TTN: variants seen among roughly 807,000 people sequenced by gnomAD.
The protein encoded by TTN is titin.
A neutral mutation model predicts 3,223.0 loss-of-function variants in TTN; 1,525 were observed. The ratio of observed to expected loss-of-function variants is 0.47; its 90% CI spans 0.45 to 0.49. The LOEUF (loss-of-function observed/expected upper bound fraction) is 0.49, where lower values mean the gene tolerates loss of function less well. Among genes scored for constraint, TTN ranks in the 20% least tolerant of loss-of-function variants. The pLI, the probability that TTN is intolerant of heterozygous loss-of-function variation, is 0.00. For missense variants in TTN, 40,786 were observed against 43,424.0 expected (o/e 0.94, Z 5.40); for synonymous variants, 14,094 against 15,161.0 (o/e 0.93, Z 5.17).
chr2:178,588,491 T>G, intron 304 of TTN, 47 bp downstream of exon 304: 2,672 of 1,445,792 alleles, frequency 1.8e-3, no homozygotes, highest in Non-Finnish European at 2.2e-3. Context: ...CTTCTGTGCT[T>G]GAGATTAAGA....
Position 178,734,903 on chromosome 2 carries a change from G to A in TTN, c.15021C>T (p.Gly5007=). 1.2e-6 allele frequency: 2 copies of A among 1,613,182 alleles called. No individual in the cohort carries two copies. The highest frequency in any genetic ancestry group is 2.2e-5 in the East Asian group (1 of 44,726). ...ESARLHCKLK[G]SPVIQVTWFK... ...ACCAAGTAACCTGGATCACAGGTGA[G>A]CCTTTCAGCTTGCAATGGAGGCGTG... is the stretch of plus-strand genomic sequence containing the variant. The change falls in exon 51 of 363, where the codon GGC becomes GGT. Residue 5007 remains glycine, a synonymous_variant. Transcript: ENST00000589042.
chr2:178,618,740 C>T lies in TTN; in HGVS notation c.46810G>A (p.Glu15604Lys), dbSNP rs749463044. Residue 15604 changes from glutamate to lysine, a missense_variant, in exon 251 of 363, where the codon GAA (glutamate) becomes AAA (lysine). Physicochemically the swap from Glu to Lys is moderately conservative, Grantham distance 56 (BLOSUM62 1). Transcript: ENST00000589042. ...YPKAEAEWFK[E>K]NEPLSTKTID... ...GTTTTTGTAGATAAAGGTTCATTTT[C>T]TTTAAACCATTCAGCTTCTGCTTTG... 2 of 1,611,860 alleles carry T rather than the reference C, an allele frequency of 1.2e-6. No homozygotes were observed. Among genetic ancestry groups the T allele is most frequent in the South Asian group, 2.2e-5 (2 of 91,010 alleles).
At chr2:178,727,990 A>C (rs189969248) in intron 67 of TTN, 120 bp downstream of exon 67, 604 of 1,411,510 alleles carry the variant, frequency 4.3e-4, no homozygotes, top group South Asian at 1.6e-3. Flanking sequence ...GAACACAATG[A>C]ATATGTATCT....
Position 178,531,892 on chromosome 2 carries a change from A to C in TTN, c.104723T>G (p.Phe34908Cys). The part of the protein sequence containing the change: ...RFERSARFDI[F>C]SRYESMKAAL... ...AGCTTTCATGGACTCATACCTGGAA[A>C]AGATATCAAATCTTGCAGACCTCTC... is the stretch of plus-strand genomic sequence containing the variant. Residue 34908 changes from phenylalanine (F) to cysteine (C), a missense_variant, in exon 358 of 363, where the codon TTT becomes TGT. Transcript: ENST00000589042. 1 of 1,612,792 alleles carries C rather than the reference A, an allele frequency of 6.2e-7. No homozygotes were observed. The highest frequency in any genetic ancestry group is 8.5e-7 in the Non-Finnish European group (1 of 1,179,248).
chr2:178,727,445 GC>G (rs1267871112), intron 68 of TTN, 74 bp from the exon 69 acceptor site: 2 of 1,506,152 alleles, frequency 1.3e-6, no homozygotes, highest in African/African-American at 1.4e-5. Context: ...TAGTATACAG[GC>G]AAGAGAAAAA....
intron 88 of TTN, among the ~76,000 whole-genome samples, chr2:178,716,781 G>A (rs1237700948): frequency 3.3e-5 from 5 of 152,048 alleles, no homozygotes; most frequent in East Asian, 1.9e-4. Context: ...CAATAACTTC[G>A]CTTTTGTCCT....
Position 178,766,571 on chromosome 2 carries a change from A to C in TTN, c.9513T>G (p.Asn3171Lys). Residue 3171 changes from asparagine (N) to lysine (K), a missense_variant, in exon 41 of 363, where the codon AAT (asparagine) becomes AAG (lysine). Transcript: ENST00000589042. ...KQRAVVEFEV[N>K]EDDVDAHWYK... ...ACCAGTGGGCATCAACATCGTCTTC[A>C]TTGACCTCAAATTCAACAACAGCAC... is the stretch of plus-strand genomic sequence containing the variant. 6.2e-7 allele frequency: 1 copy of C among 1,614,096 alleles called. No individual in the cohort carries two copies. The highest frequency in any genetic ancestry group is 1.1e-5 in the South Asian group (1 of 91,078).
chr2:178,650,133 A>T, intron 210 of TTN, 31 bp downstream of exon 210: 2 of 1,531,436 alleles, frequency 1.3e-6, no homozygotes, highest in Non-Finnish European at 1.8e-6. Flanking sequence ...AAATGACTGT[A>T]TTTTCCCATA....
chr2:178,571,288 C>T lies in TTN; in HGVS notation c.74844G>A (p.Lys24948=), dbSNP rs371884545. The part of the protein sequence containing the change: ...SRVIGYHLER[K]ERNSILWVKL... Reference sequence around the variant, plus strand: ...TAACCCAGAGGATGCTATTTCTTTCCTTGCGTTCTAGATGATAGCCAATGA... The same window carrying T: ...TAACCCAGAGGATGCTATTTCTTTCTTTGCGTTCTAGATGATAGCCAATGA... Residue 24948 remains lysine (K), a synonymous_variant, in exon 326 of 363, where the codon AAG becomes AAA. Coordinates refer to ENST00000589042, the MANE Select transcript of TTN (RefSeq NM_001267550.2). 67 of 1,613,272 alleles carry T rather than the reference C, an allele frequency of 4.2e-5. No homozygotes were observed. In the African/African-American group the frequency reaches 7.7e-4, roughly 19 times the overall value.
Position 178,689,141 on chromosome 2 carries a change from A to T in TTN, c.32012-5T>A. The T allele has an allele frequency of 6.2e-7, 1 of 1,600,614 alleles. No homozygotes were observed. Among genetic ancestry groups the T allele is most frequent in the South Asian group, 1.1e-5 (1 of 88,110 alleles). On this transcript the variant is annotated splice_polypyrimidine_tract_variant and splice_region_variant and intron_variant, in intron 124 of 362. Coordinates refer to ENST00000589042, the MANE Select transcript of TTN (RefSeq NM_001267550.2). ...GTTTCTTAGGCAGAGCTGGCACTTT[A>T]GAGACATTATGCACTTTTAGAAATT...
At chr2:178,793,312 C>T (rs1174400370) in intron 9 of TTN, 92 bp downstream of exon 9, 4 of 1,526,676 alleles carry the variant, frequency 2.6e-6, no homozygotes, top group Non-Finnish European at 3.5e-6. Context: ...AACCATGTGG[C>T]CCAAGGAACA....
At position 178,575,686 on chromosome 2, in the gene TTN, A is replaced by G; in HGVS notation, c.70446T>C (p.Tyr23482=). 6.2e-7 allele frequency: 1 copy of G among 1,613,574 alleles called. No individual in the cohort carries two copies. Among genetic ancestry groups the G allele is most frequent in the South Asian group, 1.1e-5 (1 of 91,074 alleles). ...VEKREATRKS[Y]STATTKCHKC... ...TATGGCACTTAGTGGTGGCTGTGGA[A>G]TAAGATTTCCGTGTTGCTTCACGTT... Residue 23482 remains tyrosine, a synonymous_variant, in exon 326 of 363, where the codon TAT becomes TAC. Coordinates refer to ENST00000589042, the MANE Select transcript of TTN (RefSeq NM_001267550.2). This position sits in a 1 kb window ranked among gnomAD's most constrained non-coding sequence, Gnocchi z 4.0.
rs2081388960 is a variant in TTN, at chr2:178,736,063, G to C, written c.14383C>G (p.Pro4795Ala). 1 of 1,579,510 alleles carries C rather than the reference G, an allele frequency of 6.3e-7. No homozygotes were observed. The highest frequency in any genetic ancestry group is 1.4e-5 in the African/African-American group (1 of 73,584). ...GACTTAGGTCTGGAGAGAAAGGTTG[G>C]TGGATATGCCTCTGCAAAAGAAATT... is the stretch of plus-strand genomic sequence containing the variant. ...ATLTVTEAYP[P>A]TFLSRPKSLT... Residue 4795 changes from proline to alanine, a missense_variant, in exon 50 of 363, where the codon CCA becomes GCA. Transcript: ENST00000589042.
intron 110 of TTN, 68 bp from the exon 111 acceptor site, chr2:178,701,271 T>G: frequency 7.1e-7 from 1 of 1,407,098 alleles, no homozygotes; most frequent in Non-Finnish European, 9.8e-7. Context: ...TAATGAAAAG[T>G]CTCATGCATT....
chr2:178,688,362 G>GT, intron 126 of TTN, 138 bp from the exon 127 acceptor site: 1 of 777,156 alleles, frequency 1.3e-6, no homozygotes, highest in Non-Finnish European at 2.1e-6. Flanking sequence ...ACTATAAGAA[G>GT]GAGGAAGCTA....
chr2:178,572,743 G>T lies in TTN; in HGVS notation c.73389C>A (p.Ala24463=). Reference sequence around the variant, plus strand: ...TATCTAAAGATTCTCCATGGTCCCGGGCCCACTTCACCTCAGGTGCAGGCC... The same window carrying T: ...TATCTAAAGATTCTCCATGGTCCCGTGCCCACTTCACCTCAGGTGCAGGCC... ...KGRPAPEVKW[A]RDHGESLDKA... Residue 24463 remains alanine, a synonymous_variant, in exon 326 of 363, where the codon GCC becomes GCA. Coordinates refer to ENST00000589042, the MANE Select transcript of TTN (RefSeq NM_001267550.2). The T allele has an allele frequency of 6.2e-7, 1 of 1,613,404 alleles. No homozygotes were observed. Among genetic ancestry groups the T allele is most frequent in the Non-Finnish European group, 8.5e-7 (1 of 1,179,578 alleles).
chr2:178,559,439 T>C lies in TTN; in HGVS notation c.86693A>G (p.Asn28898Ser). ...SKKAWVSVTN[N>S]CNRLSYKVTN... ...AACTTTGTAGGAGAGGCGGTTACAG[T>C]TGTTGGTCACAGAGACCCATGCTTT... Residue 28898 changes from asparagine (N) to serine (S), a missense_variant, in exon 326 of 363, where the codon AAC becomes AGC. Asn to Ser is a conservative substitution (Grantham distance 46, BLOSUM62 1). Coordinates refer to ENST00000589042, the MANE Select transcript of TTN (RefSeq NM_001267550.2). The C allele has an allele frequency of 1.2e-6, 2 of 1,613,714 alleles. No individual in the cohort carries two copies. The highest frequency in any genetic ancestry group is 1.7e-6 in the Non-Finnish European group (2 of 1,179,712).
At chr2:178,596,104 C>A (rs2051533654) in intron 294 of TTN, among the ~76,000 whole-genome samples, 1 of 151,296 alleles carries the variant, frequency 6.6e-6, no homozygotes, top group African/African-American at 2.4e-5. Context: ...AATTCTCCTG[C>A]CTCAGCCTCC....
In TTN at chr2:178,712,141, C is replaced by T; in HGVS notation, c.27689G>A (p.Gly9230Glu). The change falls in exon 96 of 363, where the codon GGA becomes GAA. Residue 9230 changes from glycine to glutamate, a missense_variant. By Grantham distance (98) the Gly-to-Glu change is moderately conservative. Transcript: ENST00000589042. The stretch of plus-strand genomic sequence containing the variant: ...CCAGGATACCCCAATTTCAGGGGTT[C>T]CAGCAAGCTGGCATTGTAGAGAGGC... ...DSASLQCQLA[G>E]TPEIGVSWYK... is the part of the protein sequence containing the mutation. The T allele has an allele frequency of 6.2e-7, 1 of 1,613,750 alleles. No homozygotes were observed. The highest frequency in any genetic ancestry group is 8.5e-7 in the Non-Finnish European group (1 of 1,179,790).
Sources: gnomAD v4.1 joint callset for allele counts (sites outside exome capture counted in the v4.1 genomes callset) on GRCh38, gnomAD v4.1.1 for gene constraint, Gnocchi (gnomAD v3.1) non-coding constraint, MANE v1.5 for transcripts, NCBI Gene and HGNC (gene_info 2026-07-23, HGNC 2026-07-21) for gene names.